Variants in ARHGEF1 observed in about 807,000 individuals in gnomAD.
ARHGEF1 encodes the protein 115 kDa guanine nucleotide exchange factor.
A neutral mutation model predicts 119.7 loss-of-function variants in ARHGEF1; 40 were observed. That is an observed-to-expected ratio of 0.33 (90% confidence interval 0.26 to 0.44). The LOEUF (loss-of-function observed/expected upper bound fraction) is 0.44. Among genes scored for constraint, ARHGEF1 ranks in the 20% least tolerant of loss-of-function variants. The probability of loss-of-function intolerance (pLI) is 1.00; values close to 1 mark genes in which losing one functional copy is unlikely to be tolerated. For missense variants in ARHGEF1, 976 were observed against 1,268.3 expected (o/e 0.77, Z 3.50); for synonymous variants, 494 against 521.0 (o/e 0.95, Z 0.71).
chr19:41,903,041 C>T lies in ARHGEF1; in HGVS notation c.1738+143C>T. ...TCTACCATCCTCCCACCTCAGCTCCCCAAGTAGCTGGGACCCCAAGGGCAC... is the reference window on the plus strand; with the variant it reads ...TCTACCATCCTCCCACCTCAGCTCCTCAAGTAGCTGGGACCCCAAGGGCAC... On this transcript the variant is annotated intron_variant, in intron 18 of 28. Coordinates refer to ENST00000354532, the MANE Select transcript of ARHGEF1 (RefSeq NM_004706.4). The surrounding 1 kb of genome is among the most constrained non-coding windows in gnomAD (Gnocchi z 4.2). The T allele has an allele frequency of 1.3e-6, 1 of 759,892 alleles. No individual in the cohort carries two copies. The highest frequency in any genetic ancestry group is 2.1e-6 in the Non-Finnish European group (1 of 481,644). 47.1% of individuals were successfully genotyped at this position (759,892 alleles called of 1,614,324 possible). A position where few individuals can be genotyped will look rare whatever the true frequency, so the allele number is the denominator to read the frequency against.
In ARHGEF1 at chr19:41,888,757, A is replaced by G. The variant is rs2123376226; in HGVS notation, c.117A>G (p.Ser39=). 2 of 1,614,158 alleles carry G rather than the reference A, an allele frequency of 1.2e-6. No homozygotes were observed. The highest frequency in any genetic ancestry group is 1.7e-6 in the Non-Finnish European group (2 of 1,180,000). The change falls in exon 4 of 29, where the codon TCA becomes TCG. Residue 39 remains serine (S), a synonymous_variant. Coordinates refer to ENST00000354532, the MANE Select transcript of ARHGEF1 (RefSeq NM_004706.4). The surrounding 1 kb of genome is among the most constrained non-coding windows in gnomAD (Gnocchi z 5.1). The part of the protein sequence containing the change: ...EDFENELETN[S]EEQNSQFQSL... ...ACCCCTTCCTGCACCCCCAGAACTC[A>G]GAAGAGCAAAACAGCCAGTTCCAGA...
downstream of ARHGEF1, chr19:41,908,096 G>T (rs938408945): frequency 1.7e-5 from 11 of 644,980 alleles, no homozygotes; most frequent in African/African-American, 1.9e-4. This position sits in a 1 kb window ranked among gnomAD's most constrained non-coding sequence, Gnocchi z 6.7. Flanking sequence ...GCTGGGGAAG[G>T]AGACTGGGGC....
chr19:41,910,105 C>A, downstream of ARHGEF1: 1 of 1,609,442 alleles, frequency 6.2e-7, no homozygotes, highest in Non-Finnish European at 8.5e-7. This position sits in a 1 kb window ranked among gnomAD's most constrained non-coding sequence, Gnocchi z 4.4. Flanking sequence ...ACCCTGGGGA[C>A]GGGAGGCAGG....
At position 41,902,638 on chromosome 19, in the gene ARHGEF1, C is replaced by G. The variant is rs1213970181; in HGVS notation, c.1603C>G (p.Arg535Gly). The stretch of plus-strand genomic sequence containing the variant: ...CAAAGCCAAGCAACGCAAGGACCCT[C>G]GGTTCTGTGCCTTCGTGCAGGTGAG... Reference protein sequence around the residue: ...QLKAKQRKDPRFCAFVQEAES... With the variant: ...QLKAKQRKDPGFCAFVQEAES... The change falls in exon 17 of 29, where the codon CGG becomes GGG. Residue 535 changes from arginine (R) to glycine (G), a missense_variant. Coordinates refer to ENST00000354532, the MANE Select transcript of ARHGEF1 (RefSeq NM_004706.4). The surrounding 1 kb of genome is among the most constrained non-coding windows in gnomAD (Gnocchi z 6.5). The G allele has an allele frequency of 6.2e-7, 1 of 1,614,228 alleles. No individual in the cohort carries two copies. The highest frequency in any genetic ancestry group is 1.6e-4 in the Middle Eastern group (1 of 6,062).
At chr19:41,907,499 ACT>A (rs2074721151), downstream of ARHGEF1, 4 of 1,194,670 alleles carry the variant, frequency 3.3e-6, no homozygotes, top group African/African-American at 1.6e-5. Flanking sequence ...GGCGTCTGGA[ACT>A]CTCTGTGACT....
intron 1 of ARHGEF1, among the ~76,000 whole-genome samples, chr19:41,886,066 G>A (rs1206410026): frequency 3.9e-5 from 6 of 152,190 alleles, no homozygotes; most frequent in South Asian, 4.2e-4. Flanking sequence ...TTTTAAATGC[G>A]TAAACTCTGT....
At position 41,892,296 on chromosome 19, in the gene ARHGEF1, GTCC is replaced by G; in HGVS notation, c.325-29_325-27del. 1 of 1,613,026 alleles carries G rather than the reference GTCC, an allele frequency of 6.2e-7. No individual in the cohort carries two copies. Among genetic ancestry groups the G allele is most frequent in the Non-Finnish European group, 8.5e-7 (1 of 1,179,898 alleles). ...CCCGGCCTGCATCTCAGCACACCAA[GTCC>G]TCCTCTTCACCCCATTCTCTCTCTT... On this transcript the variant is annotated intron_variant, in intron 5 of 28. Transcript: ENST00000354532. The surrounding 1 kb of genome is among the most constrained non-coding windows in gnomAD (Gnocchi z 6.3).
chr19:41,888,733 C>T lies in ARHGEF1; in HGVS notation c.112-19C>T, dbSNP rs369619268. On this transcript the variant is annotated intron_variant, in intron 3 of 28. Transcript: ENST00000354532. The surrounding 1 kb of genome is among the most constrained non-coding windows in gnomAD (Gnocchi z 5.1). The stretch of plus-strand genomic sequence containing the variant: ...CCTCCTCTTCTCCCCATTGTACTCA[C>T]CCCTTCCTGCACCCCCAGAACTCAG... 1.2e-6 allele frequency: 2 copies of T among 1,610,886 alleles called. No homozygotes were observed. Among genetic ancestry groups the T allele is most frequent in the African/African-American group, 2.7e-5 (2 of 74,886 alleles).
In ARHGEF1 at chr19:41,891,437, C is replaced by A. The variant is rs571132965; in HGVS notation, c.226-588C>A. On this transcript the variant is annotated intron_variant, in intron 4 of 28. Coordinates refer to ENST00000354532, the MANE Select transcript of ARHGEF1 (RefSeq NM_004706.4). ...TAGCTGGGATCACAGGTGCCCACCA[C>A]CACACCCGACTAATTTTTTTATTTT... 6.6e-5 allele frequency among the ~76,000 whole-genome samples: 10 copies of A among 152,288 alleles called. No individual in the cohort carries two copies. The South Asian group carries it at 1.9e-3, about 28-fold the overall frequency.
chr19:41,897,994 C>A, intron 13 of ARHGEF1: 7 of 1,327,138 alleles, frequency 5.3e-6, no homozygotes, highest in Non-Finnish European at 6.7e-6. Context: ...TGAGTGACCG[C>A]CGCCGGCCTT....
chr19:41,917,060 G>C lies in ARHGEF1; in HGVS notation c.1866-6032G>C, dbSNP rs1027167370. 2.6e-5 allele frequency among the ~76,000 whole-genome samples: 4 copies of C among 152,130 alleles called. No homozygotes were observed. The highest frequency in any genetic ancestry group is 9.7e-5 in the African/African-American group (4 of 41,434). On this transcript the variant is annotated intron_variant, in intron 18 of 20. Transcript: ENST00000599589. This position sits in a 1 kb window ranked among gnomAD's most constrained non-coding sequence, Gnocchi z 4.8. The stretch of plus-strand genomic sequence containing the variant: ...TGACACGTGCCCTTGTCTCAGACCT[G>C]CTTCTGTGACTGCCTCTCGAGACAC...
Position 41,905,220 on chromosome 19 carries a change from TGCCCCTGCCTCTCGCCCTAA to T in ARHGEF1, c.2301_2320del (p.Ser769GlnfsTer14). 1 of 1,613,992 alleles carries T rather than the reference TGCCCCTGCCTCTCGCCCTAA, an allele frequency of 6.2e-7. No homozygotes were observed. Among genetic ancestry groups the T allele is most frequent in the Admixed American group, 1.7e-5 (1 of 60,010 alleles). ...AGACTGCCGGATCCCTGAAAGTCCC[TGCCCCTGCCTCTCGCCCTAA>T]GCCCCGGCCCAGCCCGAGCAGGTGA... is the stretch of plus-strand genomic sequence containing the variant. On this transcript the variant is annotated frameshift_variant, in exon 24 of 29. Transcript: ENST00000354532. LOFTEE classifies it high-confidence loss of function. The surrounding 1 kb of genome is among the most constrained non-coding windows in gnomAD (Gnocchi z 6.4).
At chr19:41,918,779 CCA>C (rs1243383197), upstream of ARHGEF1, among the ~76,000 whole-genome samples, 1 of 150,356 alleles carries the variant, frequency 6.7e-6, no homozygotes, top group Non-Finnish European at 1.5e-5. Context: ...CACACACATA[CCA>C]CACACTGCAT....
At chr19:41,907,726 T>C, downstream of ARHGEF1, 1 of 244,600 alleles carries the variant, frequency 4.1e-6, no homozygotes, top group Non-Finnish European at 7.8e-6. Flanking sequence ...TTCTTTTATT[T>C]CTGTAGTAAA....
At chr19:41,914,409 A>C (rs1460362933) in intron 18 of ARHGEF1, among the ~76,000 whole-genome samples, 5 of 132,814 alleles carry the variant, frequency 3.8e-5, no homozygotes, top group East Asian at 4.6e-4. Flanking sequence ...TCTCGTCTCC[A>C]TCTCCTCCTC....
At chr19:41,893,341 T>C in intron 8 of ARHGEF1, 38 bp downstream of exon 8, 1 of 1,527,670 alleles carries the variant, frequency 6.5e-7, no homozygotes, top group South Asian at 1.2e-5. Flanking sequence ...CTCCTGGGTT[T>C]GAGGGAGGAG....
At chr19:41,919,977 C>CCACAGACGTGACACA, upstream of ARHGEF1, among the ~76,000 whole-genome samples, 1 of 127,526 alleles carries the variant, frequency 7.8e-6, no homozygotes, top group African/African-American at 3.0e-5. Context: ...CATGACACGC[C>CCACAGACGTGACACA]CACAGACGTG....
chr19:41,926,439 TAGAC>T (rs1379376015), intron 1 of ARHGEF1, among the ~76,000 whole-genome samples: 20 of 152,022 alleles, frequency 1.3e-4, no homozygotes, highest in African/African-American at 3.4e-4. Context: ...GGTGCATTGA[TAGAC>T]AGGTGTGAAA....
At chr19:41,925,677 T>C (rs1270012188) in intron 1 of ARHGEF1, among the ~76,000 whole-genome samples, 1 of 152,048 alleles carries the variant, frequency 6.6e-6, no homozygotes, top group African/African-American at 2.4e-5. Context: ...CTGTTGTCTG[T>C]GATGAGTAAC....
Sources: allele counts gnomAD v4.1 joint callset (sites outside exome capture counted in the v4.1 genomes callset), GRCh38; gene constraint gnomAD v4.1.1; non-coding constraint Gnocchi (gnomAD v3.1); transcripts MANE v1.5; gene names NCBI Gene and HGNC (gene_info 2026-07-23, HGNC 2026-07-21).